NRXN3: variants seen among roughly 807,000 people sequenced by gnomAD.
The protein encoded by NRXN3 is neurexin 3, also known as neurexin III.
Under a neutral mutation model 137.6 loss-of-function variants are expected in NRXN3, and 32 were observed. The ratio of observed to expected loss-of-function variants is 0.23; its 90% confidence interval spans 0.18 to 0.31. The LOEUF (loss-of-function observed/expected upper bound fraction) is 0.31. NRXN3 is among the 10% of genes least tolerant of loss of function. The pLI, the probability that NRXN3 is intolerant of heterozygous loss-of-function variation, is 1.00. For missense variants in NRXN3, 1,574 were observed against 2,062.5 expected (o/e 0.76, Z 4.59); for synonymous variants, 798 against 784.5 (o/e 1.02, Z -0.29).
At chr14:79,665,416 C>T (rs2098553211) in intron 17 of NRXN3, among the ~76,000 whole-genome samples, 1 of 152,102 alleles carries the variant, frequency 6.6e-6, no homozygotes, top group Non-Finnish European at 1.5e-5. Flanking sequence ...TTAACAGCTT[C>T]TAGGAATTTT....
intron 15 of NRXN3, among the ~76,000 whole-genome samples, chr14:79,084,978 A>G (rs1361800206): frequency 6.6e-6 from 1 of 152,166 alleles, no homozygotes; most frequent in African/African-American, 2.4e-5. Context: ...ATTAAGGCTT[A>G]AGAGCTGACG....
At chr14:78,777,150 A>C (rs1216251660) in intron 8 of NRXN3, among the ~76,000 whole-genome samples, 1 of 152,158 alleles carries the variant, frequency 6.6e-6, no homozygotes, top group Non-Finnish European at 1.5e-5. Context: ...CTTATTATCT[A>C]GAAGATCTTG....
intron 16 of NRXN3, among the ~76,000 whole-genome samples, chr14:79,588,780 T>C (rs915527230): frequency 6.6e-6 from 1 of 152,246 alleles, no homozygotes; most frequent in African/African-American, 2.4e-5. Flanking sequence ...TTTTCATGTC[T>C]GTTTTTTAAT....
intron 4 of NRXN3, among the ~76,000 whole-genome samples, chr14:78,600,070 C>G (rs2152432376): frequency 6.6e-6 from 1 of 152,218 alleles, no homozygotes; most frequent in East Asian, 1.9e-4. Context: ...GAGGGAGTGC[C>G]AATTGGGAGG....
At chr14:79,423,083 C>A (rs1388225900) in intron 15 of NRXN3, among the ~76,000 whole-genome samples, 1 of 152,114 alleles carries the variant, frequency 6.6e-6, no homozygotes, top group Admixed American at 6.6e-5. Context: ...GTGCTTCAGT[C>A]AGTTAGCTTC....
At chr14:78,807,450 G>A (rs2098879592) in intron 9 of NRXN3, among the ~76,000 whole-genome samples, 1 of 152,000 alleles carries the variant, frequency 6.6e-6, no homozygotes, top group African/African-American at 2.4e-5. Context: ...AACTTTCTTG[G>A]CCAGGCACCT....
At chr14:79,440,675 A>G (rs1260878598) in intron 15 of NRXN3, among the ~76,000 whole-genome samples, 1 of 151,574 alleles carries the variant, frequency 6.6e-6, no homozygotes, top group African/African-American at 2.4e-5. Context: ...TGTTGTTGTC[A>G]TTGTAATAGG....
intron 4 of NRXN3, among the ~76,000 whole-genome samples, chr14:78,427,176 G>A (rs965701818): frequency 6.6e-6 from 1 of 152,158 alleles, no homozygotes; most frequent in African/African-American, 2.4e-5. Context: ...CAGAGGCAAA[G>A]CTATTTTCTC....
At chr14:79,509,204 A>G (rs551248065) in intron 16 of NRXN3, among the ~76,000 whole-genome samples, 297 of 152,204 alleles carry the variant, frequency 2.0e-3, no homozygotes, top group Non-Finnish European at 3.3e-3. Context: ...AAAAATAATA[A>G]TAATAATAAT....
chr14:79,439,424 G>C (rs761067333), intron 15 of NRXN3, among the ~76,000 whole-genome samples: 2 of 152,116 alleles, frequency 1.3e-5, no homozygotes, highest in Non-Finnish European at 2.9e-5. Context: ...TGGCCACCAC[G>C]GTGCCATGCA....
chr14:79,198,906 G>A (rs369180857), intron 15 of NRXN3, among the ~76,000 whole-genome samples: 14 of 152,288 alleles, frequency 9.2e-5, no homozygotes, highest in Middle Eastern at 3.4e-3. Context: ...GGTGGCTCAC[G>A]CCTGTAATCC....
intron 19 of NRXN3, among the ~76,000 whole-genome samples, chr14:79,701,270 T>G (rs1425758691): frequency 6.6e-6 from 1 of 152,088 alleles, no homozygotes. Context: ...TAGTTAACTA[T>G]TTATATGAAA....
intron 16 of NRXN3, among the ~76,000 whole-genome samples, chr14:79,571,683 C>A (rs565522289): frequency 6.6e-6 from 1 of 152,072 alleles, no homozygotes; most frequent in Non-Finnish European, 1.5e-5. Flanking sequence ...AGTTCTGAAG[C>A]TAGTTTGGTA....
chr14:78,839,157 A>G (rs2099005203), intron 10 of NRXN3, among the ~76,000 whole-genome samples: 1 of 152,192 alleles, frequency 6.6e-6, no homozygotes, highest in Non-Finnish European at 1.5e-5. Flanking sequence ...GTGTGAAAAT[A>G]TATGACTAGA....
intron 8 of NRXN3, among the ~76,000 whole-genome samples, chr14:78,724,244 T>A (rs2098473076): frequency 1.3e-5 from 2 of 152,244 alleles, no homozygotes; most frequent in Admixed American, 6.5e-5. Context: ...CTAGAGCACA[T>A]GTGTATAGTT....
At chr14:79,009,845 C>T (rs1195015206) in intron 15 of NRXN3, among the ~76,000 whole-genome samples, 1 of 152,206 alleles carries the variant, frequency 6.6e-6, no homozygotes, top group Non-Finnish European at 1.5e-5. Flanking sequence ...GGTCCACTTC[C>T]TTCAGCCTTG....
At chr14:78,438,834 A>G (rs2153694385) in intron 4 of NRXN3, among the ~76,000 whole-genome samples, 1 of 152,124 alleles carries the variant, frequency 6.6e-6, no homozygotes, top group Admixed American at 6.5e-5. Flanking sequence ...AGAAAGAAGG[A>G]TTTCAATGAG....
chr14:78,221,641 C>T (rs1263770536), intron 1 of NRXN3, among the ~76,000 whole-genome samples: 2 of 152,162 alleles, frequency 1.3e-5, no homozygotes, highest in African/African-American at 4.8e-5. Context: ...TGATCTAGGC[C>T]TTACTCATCT....
At chr14:78,601,845 G>T (rs2152436961) in intron 4 of NRXN3, among the ~76,000 whole-genome samples, 1 of 152,136 alleles carries the variant, frequency 6.6e-6, no homozygotes, top group East Asian at 1.9e-4. Context: ...CTGGTAAAAA[G>T]GTTTATGCTA....
Sources: allele counts gnomAD v4.1 joint callset (sites outside exome capture counted in the v4.1 genomes callset), GRCh38; gene constraint gnomAD v4.1.1; transcripts MANE v1.5; gene names NCBI Gene and HGNC (gene_info 2026-07-23, HGNC 2026-07-21).